Variants in SORCS3 observed in about 807,000 individuals in gnomAD.
The protein encoded by SORCS3 is sortilin related VPS10 domain containing receptor 3, also known as VPS10 domain-containing receptor SorCS3.
SORCS3 carries 57 observed loss-of-function variants against 146.3 expected under a neutral mutation model. That is an observed-to-expected ratio of 0.39 (90% CI 0.31 to 0.49). The LOEUF (loss-of-function observed/expected upper bound fraction) is 0.49, where lower values mean the gene tolerates loss of function less well. SORCS3 is among the 20% of genes least tolerant of loss of function. The pLI is 0.92. For synonymous variants in SORCS3, 653 were observed against 618.5 expected (o/e 1.06, Z -0.83); for missense variants, 1,341 against 1,575.5 (o/e 0.85, Z 2.52).
intron 4 of SORCS3, among the ~76,000 whole-genome samples, chr10:105,018,167 A>G (rs1006715028): frequency 6.6e-6 from 1 of 152,206 alleles, no homozygotes. Flanking sequence ...TTGCTCTTTC[A>G]ATGCTTTGCT....
At chr10:105,261,001 A>G (rs1470150899) in intron 25 of SORCS3, among the ~76,000 whole-genome samples, 1 of 152,216 alleles carries the variant, frequency 6.6e-6, no homozygotes, top group Non-Finnish European at 1.5e-5. Context: ...GATTTAAGGT[A>G]ATTTATTCAT....
intron 1 of SORCS3, 68 bp downstream of exon 1, chr10:104,642,022 G>GGGGGGGGGGGGGGGGGGGGGGCCCCC: frequency 2.3e-5 from 4 of 173,332 alleles, no homozygotes; most frequent in African/African-American, 4.4e-5. Flanking sequence ...GGGTGGGTGG[G>GGGGGGGGGGGGGGGGGGGGGGCCCCC]AGCGAGGGAC....
At chr10:105,067,505 C>T (rs559989352) in intron 5 of SORCS3, among the ~76,000 whole-genome samples, 33 of 152,154 alleles carry the variant, frequency 2.2e-4, no homozygotes, top group Non-Finnish European at 2.8e-4. Flanking sequence ...CCTGCCTGGG[C>T]GACAGACTGA....
At chr10:105,148,985 C>T (rs1002875324) in intron 9 of SORCS3, among the ~76,000 whole-genome samples, 1 of 152,106 alleles carries the variant, frequency 6.6e-6, no homozygotes, top group African/African-American at 2.4e-5. Context: ...TGAGTTCTCA[C>T]AAGAGCTGAT....
At chr10:104,651,749 G>A (rs868734313) in intron 1 of SORCS3, among the ~76,000 whole-genome samples, 35 of 152,142 alleles carry the variant, frequency 2.3e-4, no homozygotes, top group Middle Eastern at 3.4e-3. Context: ...AGATCTGTTG[G>A]TACTCTACCC....
At chr10:104,804,531 A>G (rs1439381114) in intron 1 of SORCS3, among the ~76,000 whole-genome samples, 1 of 152,162 alleles carries the variant, frequency 6.6e-6, no homozygotes, top group Non-Finnish European at 1.5e-5. Flanking sequence ...GGCTATGGTT[A>G]TCTGCATTGC....
chr10:104,885,339 A>T (rs2018672004), intron 2 of SORCS3, among the ~76,000 whole-genome samples: 1 of 152,208 alleles, frequency 6.6e-6, no homozygotes, highest in Admixed American at 6.5e-5. Context: ...TGCCAGGAAG[A>T]CTTAGTAGAT....
rs540853138 is a variant in SORCS3, at chr10:104,903,671, A to G, written c.696-12162A>G. Among the ~76,000 whole-genome samples the G allele has an allele frequency of 3.0e-3, 458 of 152,330 alleles. 3 individuals carry two copies. Among genetic ancestry groups the G allele is most frequent in the African/African-American group, 0.01 (418 of 41,580 alleles). ...GACTCAGTGACCCCTGGTAGCCTCC[A>G]TGACTCTCTTCAGAGGATGGATAGA... On this transcript the variant is annotated intron_variant, in intron 2 of 26. Transcript: ENST00000369701.
At chr10:104,771,577 G>T (rs932876761) in intron 1 of SORCS3, among the ~76,000 whole-genome samples, 6 of 152,200 alleles carry the variant, frequency 3.9e-5, no homozygotes, top group African/African-American at 1.4e-4. Flanking sequence ...TAGCCAGGCA[G>T]CAGGAGGACC....
chr10:105,108,031 A>G (rs114770699), intron 7 of SORCS3, among the ~76,000 whole-genome samples: 1,637 of 122,456 alleles, frequency 0.013, 27 homozygotes, highest in African/African-American at 0.046. Flanking sequence ...TTATATGAAT[A>G]TTTGCTTTCT....
Position 105,025,102 on chromosome 10 carries a change from GA to G in SORCS3, c.955-17948del, listed in dbSNP as rs1473081027. 2.0e-5 allele frequency among the ~76,000 whole-genome samples: 3 copies of G among 152,138 alleles called. No individual in the cohort carries two copies. The East Asian group carries it at 5.8e-4, about 29-fold the overall frequency. ...CAGAAGGGTAGAAACAAACTCAGAG[GA>G]AAAAGTACCCTTCCTTCAACAGAGA... On this transcript the variant is annotated intron_variant, in intron 4 of 26. Coordinates refer to ENST00000369701, the MANE Select transcript of SORCS3 (RefSeq NM_014978.3).
intron 6 of SORCS3, among the ~76,000 whole-genome samples, chr10:105,103,796 C>T (rs1048029956): frequency 2.6e-5 from 4 of 152,170 alleles, no homozygotes; most frequent in African/African-American, 9.7e-5. Flanking sequence ...TAGTTATATA[C>T]AGCATGTAAT....
At chr10:104,680,886 G>A (rs1270840845) in intron 1 of SORCS3, among the ~76,000 whole-genome samples, 3 of 152,328 alleles carry the variant, frequency 2.0e-5, no homozygotes, top group East Asian at 1.9e-4. Flanking sequence ...AGGAGGCAAC[G>A]AAAAGCCTTA....
intron 20 of SORCS3, among the ~76,000 whole-genome samples, chr10:105,224,107 A>T (rs1339502260): frequency 1.3e-5 from 2 of 152,198 alleles, no homozygotes; most frequent in Non-Finnish European, 2.9e-5. Flanking sequence ...CAAAGTCCAT[A>T]GTTTACTTTA....
At chr10:105,138,032 CACA>C (rs1422487138) in intron 7 of SORCS3, among the ~76,000 whole-genome samples, 1 of 152,166 alleles carries the variant, frequency 6.6e-6, no homozygotes, top group Non-Finnish European at 1.5e-5. Context: ...TAAGCCAACA[CACA>C]ACAATATAGA....
At chr10:104,669,595 T>C (rs906916514) in intron 1 of SORCS3, among the ~76,000 whole-genome samples, 6 of 152,236 alleles carry the variant, frequency 3.9e-5, no homozygotes, top group Admixed American at 3.3e-4. Context: ...TGAATAATAT[T>C]CCATTGTATG....
At chr10:104,759,926 T>A (rs900537647) in intron 1 of SORCS3, among the ~76,000 whole-genome samples, 1 of 152,088 alleles carries the variant, frequency 6.6e-6, no homozygotes, top group Non-Finnish European at 1.5e-5. Context: ...AATTTCAGAT[T>A]CTGGAAGGTT....
intron 6 of SORCS3, 34 bp from the exon 7 acceptor site, chr10:105,105,363 T>C (rs202165587): frequency 2.4e-5 from 34 of 1,441,766 alleles, no homozygotes; most frequent in East Asian, 1.8e-4. Context: ...GATTTTCACT[T>C]GTATCTAAGC....
At chr10:104,943,628 T>A (rs927813676) in intron 3 of SORCS3, among the ~76,000 whole-genome samples, 2 of 152,210 alleles carry the variant, frequency 1.3e-5, no homozygotes, top group South Asian at 4.1e-4. Flanking sequence ...TTTATAAACA[T>A]CCTTATTTCC....
Sources: gnomAD v4.1 joint callset for allele counts (sites outside exome capture counted in the v4.1 genomes callset) on GRCh38, gnomAD v4.1.1 for gene constraint, MANE v1.5 for transcripts, NCBI Gene and HGNC (gene_info 2026-07-23, HGNC 2026-07-21) for gene names.